Variants in PRSS36 observed in about 807,000 individuals in gnomAD.
PRSS36 encodes the protein serine protease 36, also known as polyserase-2.
Under a neutral mutation model 94.3 loss-of-function variants are expected in PRSS36, and 90 were observed. The observed-to-expected ratio is 0.95, with a 90% CI of 0.80 to 1.14. The LOEUF is 1.14. PRSS36 is among the 50% of genes most tolerant of loss of function. The pLI is 0.00. For missense variants in PRSS36, 1,158 were observed against 1,135.0 expected, an observed-to-expected ratio of 1.02 and a Z score of -0.29; for synonymous variants, 500 against 489.6, an observed-to-expected ratio of 1.02 and a Z score of -0.28.
intron 5 of PRSS36, among the ~76,000 whole-genome samples, chr16:31,147,730 G>A (rs2057818692): frequency 6.6e-6 from 1 of 152,180 alleles, no homozygotes; most frequent in Admixed American, 6.5e-5. Flanking sequence ...AGGTGCTCAA[G>A]AAATATCTTG....
At chr16:31,147,381 G>A (rs1387060827) in intron 5 of PRSS36, among the ~76,000 whole-genome samples, 1 of 152,114 alleles carries the variant, frequency 6.6e-6, no homozygotes, top group African/African-American at 2.4e-5. Context: ...TCACAGTGAC[G>A]CTTCCTCATC....
rs778986090 is a variant in PRSS36 at position 31,141,971 on chromosome 16, A to G, written c.1522-11T>C. ...CCAACGCGAGTCATTCTGCAGCAACAAAGTGTGTGTGTTACTTGCCTCTGC... is the reference window on the plus strand; with the variant it reads ...CCAACGCGAGTCATTCTGCAGCAACGAAGTGTGTGTGTTACTTGCCTCTGC... On this transcript the variant is annotated splice_polypyrimidine_tract_variant and intron_variant, in intron 10 of 14. Transcript: ENST00000268281. The G allele has an allele frequency of 1.4e-5, 22 of 1,612,122 alleles. No individual in the cohort carries two copies. Among genetic ancestry groups the G allele is most frequent in the Non-Finnish European group, 1.6e-5 (19 of 1,178,352 alleles).
At position 31,139,560 on chromosome 16, in the gene PRSS36, G is replaced by A. The variant is rs904422784; in HGVS notation, c.2290-144C>T. ...GGTTTCTCTCCCGGGTCCAGCTAGG[G>A]TCCCATTTGGGGCCAAATACCCAAT... is the stretch of plus-strand genomic sequence containing the variant. On this transcript the variant is annotated intron_variant, in intron 14 of 14. Transcript: ENST00000268281. 20 of 980,506 alleles carry A rather than the reference G, an allele frequency of 2.0e-5. No homozygotes were observed. The African/African-American group carries it at 3.3e-4, about 16-fold the overall frequency. 60.7% of individuals were successfully genotyped at this position (980,506 alleles called of 1,614,324 possible). A position where few individuals can be genotyped will look rare whatever the true frequency, so the allele number is the denominator to read the frequency against.
intron 10 of PRSS36, 46 bp from the exon 11 acceptor site, chr16:31,142,006 G>C (rs1399204064): frequency 1.3e-6 from 2 of 1,541,866 alleles, no homozygotes; most frequent in African/African-American, 2.7e-5. Context: ...CGTGTGTGCA[G>C]AGAATATCAG....
intron 6 of PRSS36, among the ~76,000 whole-genome samples, chr16:31,144,141 C>T (rs558123357): frequency 1.3e-5 from 2 of 151,300 alleles, no homozygotes; most frequent in South Asian, 2.1e-4. Context: ...CCCCTCCCTC[C>T]CTTCCTTCCT....
chr16:31,143,529 T>C (rs2057749772), intron 7 of PRSS36, 58 bp from the exon 8 acceptor site: 1 of 1,608,184 alleles, frequency 6.2e-7, no homozygotes. Context: ...CTCCCAGCAG[T>C]CTCCATCCCA....
intron 1 of PRSS36, 82 bp downstream of exon 1, chr16:31,149,917 C>T: frequency 6.4e-7 from 1 of 1,569,844 alleles, no homozygotes; most frequent in Non-Finnish European, 8.7e-7. Context: ...GCTCCCCACA[C>T]AGAAACCAGG....
chr16:31,139,517 C>G, intron 14 of PRSS36, 101 bp from the exon 15 acceptor site: 1 of 1,377,088 alleles, frequency 7.3e-7, no homozygotes, highest in Non-Finnish European at 9.9e-7. Flanking sequence ...GTCTGCATCC[C>G]TAGACATCCA....
chr16:31,143,772 G>A lies in PRSS36; in HGVS notation c.786C>T (p.Ser262=). 1 of 1,614,130 alleles carries A rather than the reference G, an allele frequency of 6.2e-7. No individual in the cohort carries two copies. The highest frequency in any genetic ancestry group is 8.5e-7 in the Non-Finnish European group (1 of 1,180,032). The part of the protein sequence containing the change: ...GGRWFQAGIT[S]FGFGCGRRNR... Reference sequence around the variant, plus strand: ...TTCTCCGTCCACAGCCAAAGCCAAAGCTGGTGATTCCTGCCTGGAACCAGC... The same window carrying A: ...TTCTCCGTCCACAGCCAAAGCCAAAACTGGTGATTCCTGCCTGGAACCAGC... The change falls in exon 7 of 15, where the codon AGC becomes AGT. Residue 262 remains serine, a synonymous_variant. Coordinates refer to ENST00000268281, the MANE Select transcript of PRSS36 (RefSeq NM_173502.5).
intron 5 of PRSS36, 37 bp downstream of exon 5, chr16:31,148,358 T>G: frequency 2.7e-6 from 4 of 1,500,454 alleles, no homozygotes; most frequent in Non-Finnish European, 3.5e-6. Context: ...AAGCCCCACC[T>G]CCCCGAGGCC....
chr16:31,139,117 T>C lies in PRSS36; in HGVS notation c.*21A>G. On this transcript the variant is annotated 3_prime_UTR_variant, in exon 15 of 15. Transcript: ENST00000268281. Reference sequence around the variant, plus strand: ...AAGTAGAGGGTGGAGAAGGGGGAAGTGGTGCTGGGACCCTAGCCCCTCAGC... The same window carrying C: ...AAGTAGAGGGTGGAGAAGGGGGAAGCGGTGCTGGGACCCTAGCCCCTCAGC... 1 of 1,520,130 alleles carries C rather than the reference T, an allele frequency of 6.6e-7. No homozygotes were observed. Among genetic ancestry groups the C allele is most frequent in the Non-Finnish European group, 8.8e-7 (1 of 1,132,062 alleles). The allele number at this position is 1,520,130 out of a possible 1,614,324, so 94.2% of individuals were successfully genotyped here. A position where few individuals can be genotyped will look rare whatever the true frequency, so the allele number is the denominator to read the frequency against.
chr16:31,148,333 G>A (rs2057828477), intron 5 of PRSS36, 62 bp downstream of exon 5: 3 of 1,456,544 alleles, frequency 2.1e-6, no homozygotes, highest in Non-Finnish European at 2.7e-6. Flanking sequence ...CCCGCCCTAG[G>A]AACCTCACCT....
chr16:31,140,207 A>T (rs1015151368), intron 14 of PRSS36, 87 bp downstream of exon 14: 2 of 1,427,454 alleles, frequency 1.4e-6, no homozygotes, highest in Middle Eastern at 2.4e-4. Context: ...AAAAAAAAAA[A>T]AAATTCCAAT....
In PRSS36 at chr16:31,140,524, CAGCAGCTGGCCCCCG is replaced by C. The variant is rs2057668041; in HGVS notation, c.2120_2134del (p.Pro707_Trp712delinsArg). ...CTGGGGTTCTTTCCAGCCCAACACC[CAGCAGCTGGCCCCCG>C]GGGGGATACCCGCCGGGTGGAGACA... On this transcript the variant is annotated inframe_deletion, in exon 13 of 15. Transcript: ENST00000268281. The C allele has an allele frequency of 6.3e-7, 1 of 1,577,450 alleles. No homozygotes were observed. The highest frequency in any genetic ancestry group is 8.6e-7 in the Non-Finnish European group (1 of 1,161,134).
Position 31,149,975 on chromosome 16 carries a change from GCCACT to G in PRSS36, c.37+19_37+23del. ...GATGCCAGGACCCAGGCCCTTTGCA[GCCACT>G]CTTGTCCCCTGAGGTTACCAAGCAT... On this transcript the variant is annotated intron_variant, in intron 1 of 14. Coordinates refer to ENST00000268281, the MANE Select transcript of PRSS36 (RefSeq NM_173502.5). 6.2e-7 allele frequency: 1 copy of G among 1,612,954 alleles called. No homozygotes were observed. Among genetic ancestry groups the G allele is most frequent in the Non-Finnish European group, 8.5e-7 (1 of 1,179,368 alleles).
At chr16:31,141,999 G>A (rs1490463652) in intron 10 of PRSS36, 39 bp from the exon 11 acceptor site, 1 of 1,566,290 alleles carries the variant, frequency 6.4e-7, no homozygotes, top group Non-Finnish European at 8.8e-7. Flanking sequence ...GCCTCTGCGT[G>A]TGTGCAGAGA....
Position 31,143,822 on chromosome 16 carries a change from G to A in PRSS36, c.736C>T (p.Pro246Ser), listed in dbSNP as rs761384505. ...RDTCQGDSGG[P>S]LVCEEGGRWF... ...CGGCCGCCTTCCTCACAGACCAGGG[G>A]CCCCCCAGAGTCACCCTAGTGGCAG... is the stretch of plus-strand genomic sequence containing the variant. Residue 246 changes from proline to serine, a missense_variant, in exon 7 of 15, where the codon CCC (proline) becomes TCC (serine). Physicochemically the swap from Pro to Ser is moderately conservative, Grantham distance 74 (BLOSUM62 -1). Coordinates refer to ENST00000268281, the MANE Select transcript of PRSS36 (RefSeq NM_173502.5). The A allele has an allele frequency of 1.9e-6, 3 of 1,613,516 alleles. No homozygotes were observed. The highest frequency in any genetic ancestry group is 2.5e-6 in the Non-Finnish European group (3 of 1,180,006).
Position 31,149,102 on chromosome 16 carries a change from C to T in PRSS36, c.243G>A (p.Trp81Ter), listed in dbSNP as rs1330812384. ...TGAAACAGTGAGCAGCGGAGAGGACCCAGGAGGGGGCGATGAGGGAGCCCC... is the reference window on the plus strand; with the variant it reads ...TGAAACAGTGAGCAGCGGAGAGGACTCAGGAGGGGGCGATGAGGGAGCCCC... ...ICGGSLIAPS[W>*]VLSAAHCFMT... Residue 81 changes from tryptophan (W) to a stop codon, truncating the protein, a stop_gained, in exon 4 of 15, where the codon TGG becomes TGA. Coordinates refer to ENST00000268281, the MANE Select transcript of PRSS36 (RefSeq NM_173502.5). LOFTEE classifies it high-confidence loss of function. The T allele has an allele frequency of 1.9e-6, 3 of 1,592,506 alleles. No homozygotes were observed. Among genetic ancestry groups the T allele is most frequent in the Non-Finnish European group, 2.6e-6 (3 of 1,171,450 alleles).
Position 31,140,653 on chromosome 16 carries a change from C to T in PRSS36, c.2006G>A (p.Arg669Gln), listed in dbSNP as rs768201640. 6 of 1,613,670 alleles carry T rather than the reference C, an allele frequency of 3.7e-6. No homozygotes were observed. The East Asian group carries it at 8.9e-5, about 24-fold the overall frequency. ...HQVSRLVISI[R>Q]LPQHLGLRPP... ...CCTGAGTCCCAGGTGCTGGGGCAGC[C>T]GGATGCTGATGACCAAGCGGGATAC... The change falls in exon 13 of 15, where the codon CGG (arginine) becomes CAG (glutamine). Residue 669 changes from arginine to glutamine, a missense_variant. Physicochemically the swap from Arg to Gln is conservative, Grantham distance 43 (BLOSUM62 1). Coordinates refer to ENST00000268281, the MANE Select transcript of PRSS36 (RefSeq NM_173502.5).
Sources: gnomAD v4.1 joint callset for allele counts (sites outside exome capture counted in the v4.1 genomes callset) on GRCh38, gnomAD v4.1.1 for gene constraint, MANE v1.5 for transcripts, NCBI Gene and HGNC (gene_info 2026-07-23, HGNC 2026-07-21) for gene names.